The following CDK18 variants were observed in gnomAD, a reference collection of about 807,000 sequenced individuals.
The protein encoded by CDK18 is cyclin dependent kinase 18.
CDK18 carries 52 observed loss-of-function variants against 62.0 expected under a neutral mutation model. The observed-to-expected ratio is 0.84, with a 90% confidence interval of 0.67 to 1.06. The LOEUF (loss-of-function observed/expected upper bound fraction) is 1.06, where lower values mean the gene tolerates loss of function less well. Ranked by LOEUF, CDK18 falls within the 50% of genes least tolerant of loss-of-function variation. The pLI is 0.00. For missense variants in CDK18, 604 were observed against 619.9 expected (o/e 0.97, Z 0.27); for synonymous variants, 237 against 247.0 (o/e 0.96, Z 0.38).
In CDK18 at chr1:205,532,589, C is replaced by G. The variant is rs1668784549; in HGVS notation, c.*1211C>G. 2 of 152,340 alleles carry G rather than the reference C, an allele frequency of 1.3e-5. No individual in the cohort carries two copies. The highest frequency in any genetic ancestry group is 4.8e-5 in the African/African-American group (2 of 41,438). The allele number at this position is 152,340 out of a possible 1,614,324, so 9.4% of individuals were successfully genotyped here. On this transcript the variant is annotated 3_prime_UTR_variant, in exon 16 of 16. Coordinates refer to ENST00000429964, the MANE Select transcript of CDK18 (RefSeq NM_212502.3). ...GGGTGGCCGGGGCCCCTGAAGAAGG[C>G]TCCCCTCTGTATCCCCCAGGTCTCC...
At chr1:205,508,049 A>G (rs1464275472) in intron 1 of CDK18, among the ~76,000 whole-genome samples, 1 of 152,186 alleles carries the variant, frequency 6.6e-6, no homozygotes, top group Non-Finnish European at 1.5e-5. Context: ...TCCCTGAGGT[A>G]GGAGGACCCT....
rs774401348 is a variant in CDK18 at position 205,525,124 on chromosome 1, G to A, written c.400-15G>A. ...GGGCTTCAAGCTCACGGCATTCTAT[G>A]TCTCTCCCTCTCAGTCAGACATTGG... On this transcript the variant is annotated splice_polypyrimidine_tract_variant and intron_variant, in intron 4 of 15. Transcript: ENST00000429964. 1.2e-6 allele frequency: 2 copies of A among 1,601,360 alleles called. No homozygotes were observed. The highest frequency in any genetic ancestry group is 1.7e-6 in the Non-Finnish European group (2 of 1,170,162).
At chr1:205,529,847 T>C in intron 13 of CDK18, 4 of 1,344,588 alleles carry the variant, frequency 3.0e-6, no homozygotes, top group South Asian at 2.9e-5. Flanking sequence ...GATTAATACC[T>C]ATTTTATAAG....
rs75764606 is a variant in CDK18, at chr1:205,528,251, C to T, written c.974+83C>T. ...CTCTCCTTTGCTTCCCCAAGGGCCT[C>T]GGGGAAGAACTGCCTAACTTCCTTT... On this transcript the variant is annotated intron_variant, in intron 10 of 15. Coordinates refer to ENST00000429964, the MANE Select transcript of CDK18 (RefSeq NM_212502.3). The surrounding 1 kb of genome is among the most constrained non-coding windows in gnomAD (Gnocchi z 4.2). The T allele has an allele frequency of 1.1e-3, 1,656 of 1,498,224 alleles. 23 individuals carry two copies. The African/African-American group carries it at 0.019, about 17-fold the overall frequency. The allele number at this position is 1,498,224 out of a possible 1,614,324, so 92.8% of individuals were successfully genotyped here. A position where few individuals can be genotyped will look rare whatever the true frequency, so the allele number is the denominator to read the frequency against.
intron 5 of CDK18, among the ~76,000 whole-genome samples, chr1:205,525,635 G>C (rs923644007): frequency 2.6e-5 from 4 of 152,050 alleles, no homozygotes; most frequent in African/African-American, 9.7e-5. Context: ...GCTTATGTAC[G>C]GCACACAGAC....
In CDK18 at chr1:205,527,673, C is replaced by A; in HGVS notation, c.730-121C>A. 1 of 916,416 alleles carries A rather than the reference C, an allele frequency of 1.1e-6. No homozygotes were observed. The highest frequency in any genetic ancestry group is 1.7e-6 in the Non-Finnish European group (1 of 580,208). The allele number at this position is 916,416 out of a possible 1,614,324, so 56.8% of individuals were successfully genotyped here. Reference sequence around the variant, plus strand: ...TCCAGGATGGGGGCTGCAGGGTGTGCAGGAGAATGAGGGGCTTGTGCTGAC... The same window carrying A: ...TCCAGGATGGGGGCTGCAGGGTGTGAAGGAGAATGAGGGGCTTGTGCTGAC... On this transcript the variant is annotated intron_variant, in intron 8 of 15. Transcript: ENST00000429964. The surrounding 1 kb of genome is among the most constrained non-coding windows in gnomAD (Gnocchi z 4.1).
intron 15 of CDK18, 38 bp from the exon 16 acceptor site, chr1:205,531,306 C>G (rs1380073990): frequency 1.2e-6 from 2 of 1,609,772 alleles, no homozygotes; most frequent in South Asian, 2.2e-5. Flanking sequence ...GTCAGCCCAG[C>G]CTCCTCCCTG....
intron 15 of CDK18, 152 bp from the exon 16 acceptor site, chr1:205,531,192 G>T: frequency 1.5e-6 from 1 of 657,658 alleles, no homozygotes. Context: ...TAGCAGAGAT[G>T]GGATTTGACA....
intron 1 of CDK18, among the ~76,000 whole-genome samples, chr1:205,513,924 G>A (rs1369409729): frequency 6.6e-6 from 1 of 152,200 alleles, no homozygotes; most frequent in African/African-American, 2.4e-5. Context: ...CCCATCTCCC[G>A]CTGCTGTTGG....
intron 13 of CDK18, chr1:205,529,936 T>C: frequency 7.2e-7 from 1 of 1,384,352 alleles, no homozygotes; most frequent in Non-Finnish European, 9.4e-7. Context: ...TGAAGGGTTG[T>C]TATCGGCACT....
intron 5 of CDK18, among the ~76,000 whole-genome samples, chr1:205,525,410 G>C (rs1444409583): frequency 6.6e-6 from 1 of 152,190 alleles, no homozygotes; most frequent in African/African-American, 2.4e-5. Context: ...CGTGAGGATA[G>C]AGTAGCCATG....
chr1:205,525,911 G>C (rs991854053), intron 5 of CDK18, among the ~76,000 whole-genome samples, 154 bp from the exon 6 acceptor site: 1 of 152,218 alleles, frequency 6.6e-6, no homozygotes, highest in Non-Finnish European at 1.5e-5. Flanking sequence ...GCTTCCTGGA[G>C]GAAGTAGGCT....
In CDK18 at chr1:205,517,432, C is replaced by T. The variant is rs1667877538; in HGVS notation, c.-21-5715C>T. Reference sequence around the variant, plus strand: ...TGGGCAGTAGCTTGAGAGAGGAGAGCCAAGCTTTGCTGGACATCTTCCCTG... The same window carrying T: ...TGGGCAGTAGCTTGAGAGAGGAGAGTCAAGCTTTGCTGGACATCTTCCCTG... On this transcript the variant is annotated intron_variant, in intron 1 of 15. Coordinates refer to ENST00000429964, the MANE Select transcript of CDK18 (RefSeq NM_212502.3). The surrounding 1 kb of genome is among the most constrained non-coding windows in gnomAD (Gnocchi z 4.1). Among the ~76,000 whole-genome samples the T allele has an allele frequency of 6.6e-6, 1 of 152,114 alleles. No homozygotes were observed. The highest frequency in any genetic ancestry group is 6.5e-5 in the Admixed American group (1 of 15,280).
chr1:205,528,426 C>G lies in CDK18; in HGVS notation c.974+258C>G, dbSNP rs1002320983. Among the ~76,000 whole-genome samples the G allele has an allele frequency of 8.5e-5, 13 of 152,094 alleles. No individual in the cohort carries two copies. The highest frequency in any genetic ancestry group is 7.2e-4 in the Admixed American group (11 of 15,284). ...AGGCCTGTGGGGGGTTACCAGAGAC[C>G]CAGAGGGTCCAGGAGGGCCCCTATA... On this transcript the variant is annotated intron_variant, in intron 10 of 15. Coordinates refer to ENST00000429964, the MANE Select transcript of CDK18 (RefSeq NM_212502.3). The surrounding 1 kb of genome is among the most constrained non-coding windows in gnomAD (Gnocchi z 4.2).
Position 205,531,218 on chromosome 1 carries a change from T to C in CDK18, c.1391-126T>C, listed in dbSNP as rs1668720044. ...GGATTTGACACCAGGTCAGACCGGC[T>C]CCTGTTTGCATGCCCTTGCTTGCTC... On this transcript the variant is annotated intron_variant, in intron 15 of 15. Coordinates refer to ENST00000429964, the MANE Select transcript of CDK18 (RefSeq NM_212502.3). The C allele has an allele frequency of 5.0e-6, 4 of 801,240 alleles. No homozygotes were observed. In the Admixed American group the frequency reaches 6.0e-5, roughly 12 times the overall value. The allele number at this position is 801,240 out of a possible 1,614,324, so 49.6% of individuals were successfully genotyped here. A position where few individuals can be genotyped will look rare whatever the true frequency, so the allele number is the denominator to read the frequency against.
At chr1:205,525,293 G>T (rs1668368697) in intron 5 of CDK18, 98 bp downstream of exon 5, 2 of 805,154 alleles carry the variant, frequency 2.5e-6, no homozygotes, top group Non-Finnish European at 4.0e-6. Flanking sequence ...GGCCCTCTCT[G>T]GTTGGCCCTC....
intron 8 of CDK18, 87 bp downstream of exon 8, chr1:205,526,924 C>G: frequency 9.0e-7 from 1 of 1,112,498 alleles, no homozygotes; most frequent in South Asian, 1.3e-5. Context: ...CACCAGGGAT[C>G]CGGCTGCTGA....
chr1:205,529,433 G>T lies in CDK18; in HGVS notation c.1178+4G>T. The T allele has an allele frequency of 6.2e-6, 10 of 1,612,986 alleles. No homozygotes were observed. Among genetic ancestry groups the T allele is most frequent in the Non-Finnish European group, 8.5e-6 (10 of 1,179,346 alleles). Reference sequence around the variant, plus strand: ...CGCTCATCAACCACGCGCCCAGGTAGCCCCTGCGCCCGCCGCCCCTCCTGC... The same window carrying T: ...CGCTCATCAACCACGCGCCCAGGTATCCCCTGCGCCCGCCGCCCCTCCTGC... On this transcript the variant is annotated splice_donor_region_variant and intron_variant, in intron 12 of 15. Coordinates refer to ENST00000429964, the MANE Select transcript of CDK18 (RefSeq NM_212502.3).
At chr1:205,525,053 C>A in intron 4 of CDK18, 86 bp from the exon 5 acceptor site, 1 of 826,358 alleles carries the variant, frequency 1.2e-6, no homozygotes, top group Non-Finnish European at 2.0e-6. Flanking sequence ...CCCTTCCCTC[C>A]CAGAGGCTGG....
Sources: gnomAD v4.1 joint callset for allele counts (sites outside exome capture counted in the v4.1 genomes callset) on GRCh38, gnomAD v4.1.1 for gene constraint, Gnocchi (gnomAD v3.1) non-coding constraint, MANE v1.5 for transcripts, NCBI Gene and HGNC (gene_info 2026-07-23, HGNC 2026-07-21) for gene names.